Variants in KCNH1 observed in about 807,000 individuals in gnomAD.
KCNH1 encodes potassium voltage-gated channel subfamily H member 1, also known as voltage-gated delayed rectifier potassium channel KCNH1.
In KCNH1, 27 loss-of-function variants were observed where a neutral mutation model predicts 69.2. The ratio of observed to expected loss-of-function variants is 0.39; its 90% CI spans 0.29 to 0.54. KCNH1 has a LOEUF of 0.54. Ranked by LOEUF, KCNH1 falls within the 20% of genes least tolerant of loss-of-function variation. The pLI, the probability that KCNH1 is intolerant of heterozygous loss-of-function variation, is 0.68. For missense variants in KCNH1, 798 were observed against 1,261.6 expected (o/e 0.63, Z 5.57); for synonymous variants, 456 against 487.7 (o/e 0.93, Z 0.86).
chr1:210,827,436 T>G (rs986355434), intron 7 of KCNH1, among the ~76,000 whole-genome samples: 2 of 152,226 alleles, frequency 1.3e-5, no homozygotes, highest in Non-Finnish European at 2.9e-5. Flanking sequence ...AACGTTACCA[T>G]GTACTACTAC....
chr1:211,078,844 G>A (rs955428029), intron 5 of KCNH1, among the ~76,000 whole-genome samples: 2 of 148,840 alleles, frequency 1.3e-5, no homozygotes, highest in African/African-American at 5.0e-5. Context: ...CGTGAACCCG[G>A]GAGGCAGAGC....
At chr1:210,893,273 C>T (rs1457568251) in intron 7 of KCNH1, among the ~76,000 whole-genome samples, 1 of 152,062 alleles carries the variant, frequency 6.6e-6, no homozygotes, top group African/African-American at 2.4e-5. Context: ...AAGATTTTTG[C>T]TGGGTATAGA....
At chr1:210,973,652 T>C (rs933452571) in intron 6 of KCNH1, among the ~76,000 whole-genome samples, 2 of 152,204 alleles carry the variant, frequency 1.3e-5, no homozygotes, top group Non-Finnish European at 2.9e-5. Flanking sequence ...ATAGTATATA[T>C]AATTTTATAC....
intron 7 of KCNH1, among the ~76,000 whole-genome samples, chr1:210,822,905 C>T (rs1360846643): frequency 6.6e-6 from 1 of 152,174 alleles, no homozygotes; most frequent in Non-Finnish European, 1.5e-5. Flanking sequence ...ATGCCTTATT[C>T]CCCCTACCAG....
At chr1:211,119,992 A>G (rs565023382) in intron 1 of KCNH1, among the ~76,000 whole-genome samples, 2 of 152,326 alleles carry the variant, frequency 1.3e-5, no homozygotes, top group South Asian at 4.1e-4. Context: ...AAACAGATGA[A>G]CCAGTTTCAC....
chr1:210,898,621 A>C (rs543241649), intron 7 of KCNH1, among the ~76,000 whole-genome samples: 10 of 150,808 alleles, frequency 6.6e-5, no homozygotes, highest in Non-Finnish European at 1.2e-4. Context: ...TGTGTCAGGC[A>C]TGTGGCATCA....
intron 6 of KCNH1, among the ~76,000 whole-genome samples, chr1:210,973,697 G>A (rs1454804597): frequency 6.6e-6 from 1 of 152,034 alleles, no homozygotes; most frequent in Non-Finnish European, 1.5e-5. Flanking sequence ...TTTTAAAGCT[G>A]ATTTTCTTTG....
In KCNH1 at chr1:211,133,004, C is replaced by T. The variant is rs1177803462; in HGVS notation, c.79+863G>A. On this transcript the variant is annotated intron_variant, in intron 1 of 10. Transcript: ENST00000271751. The surrounding 1 kb of genome is among the most constrained non-coding windows in gnomAD (Gnocchi z 5.4). Reference sequence around the variant, plus strand: ...CCCCGCTCCTAGGACTCTCGCCTCTCAAGGCTTCATGCTACCGTCGATCTT... The same window carrying T: ...CCCCGCTCCTAGGACTCTCGCCTCTTAAGGCTTCATGCTACCGTCGATCTT... 1 of 152,244 alleles carries T rather than the reference C, an allele frequency of 6.6e-6. No individual in the cohort carries two copies. The highest frequency in any genetic ancestry group is 2.4e-5 in the African/African-American group (1 of 41,434). The allele number at this position is 152,244 out of a possible 1,614,324, so 9.4% of individuals were successfully genotyped here.
intron 1 of KCNH1, among the ~76,000 whole-genome samples, chr1:211,109,818 T>TA (rs548313012): frequency 7.9e-4 from 118 of 148,558 alleles, no homozygotes; most frequent in Admixed American, 4.7e-3. Context: ...AGAAGAACTT[T>TA]AAAAAAAAAA....
intron 5 of KCNH1, among the ~76,000 whole-genome samples, chr1:211,076,817 T>A (rs1318732455): frequency 6.6e-6 from 1 of 152,154 alleles, no homozygotes; most frequent in East Asian, 1.9e-4. Flanking sequence ...TTCTCTGAGC[T>A]AAAGAAGGAT....
intron 10 of KCNH1, among the ~76,000 whole-genome samples, chr1:210,708,785 A>T (rs1158877825): frequency 6.6e-6 from 1 of 152,174 alleles, no homozygotes; most frequent in African/African-American, 2.4e-5. Flanking sequence ...TCAGATTCCC[A>T]ATTCCAAAAT....
chr1:210,862,844 C>T (rs750184109), intron 7 of KCNH1, among the ~76,000 whole-genome samples: 3 of 152,124 alleles, frequency 2.0e-5, no homozygotes, highest in Non-Finnish European at 4.4e-5. Context: ...CTTAAGGAAG[C>T]CTTAACTCAC....
chr1:210,968,168 T>C (rs1174508698), intron 6 of KCNH1, among the ~76,000 whole-genome samples: 3 of 146,758 alleles, frequency 2.0e-5, no homozygotes, highest in African/African-American at 5.1e-5. Context: ...ATTTCCAATT[T>C]CATCCATGTC....
At chr1:211,018,642 G>C in intron 6 of KCNH1, 141 bp downstream of exon 6, 1 of 709,396 alleles carries the variant, frequency 1.4e-6, no homozygotes, top group Middle Eastern at 3.9e-4. Flanking sequence ...CAGCAGGCAA[G>C]GGTATCTATC....
chr1:210,877,952 C>G (rs1368004537), intron 7 of KCNH1, among the ~76,000 whole-genome samples: 1 of 152,076 alleles, frequency 6.6e-6, no homozygotes, highest in Non-Finnish European at 1.5e-5. Flanking sequence ...ACAAAGTCAC[C>G]TAACTCTCTT....
chr1:210,873,325 T>A (rs1686290826), intron 7 of KCNH1, among the ~76,000 whole-genome samples: 1 of 152,148 alleles, frequency 6.6e-6, no homozygotes, highest in Non-Finnish European at 1.5e-5. Flanking sequence ...TTCCCTCTTT[T>A]AAAAAATTTT....
At chr1:210,891,433 T>C (rs1406255429) in intron 7 of KCNH1, among the ~76,000 whole-genome samples, 3 of 151,950 alleles carry the variant, frequency 2.0e-5, no homozygotes, top group Non-Finnish European at 1.5e-5. Context: ...GAGAAATACC[T>C]TATGTAAATG....
At chr1:210,953,126 T>G (rs1280027132) in intron 6 of KCNH1, among the ~76,000 whole-genome samples, 2 of 152,254 alleles carry the variant, frequency 1.3e-5, no homozygotes, top group African/African-American at 4.8e-5. Flanking sequence ...CCTATACCTA[T>G]AGCTACCTTT....
At chr1:211,102,808 C>T (rs59200985) in intron 3 of KCNH1, among the ~76,000 whole-genome samples, 31,018 of 152,148 alleles carry the variant, frequency 0.2, 3,287 homozygotes, top group Non-Finnish European at 0.23. Flanking sequence ...AAGAACAGGA[C>T]TTCTTACAAA....
Sources: gnomAD v4.1 joint callset for allele counts (sites outside exome capture counted in the v4.1 genomes callset) on GRCh38, gnomAD v4.1.1 for gene constraint, Gnocchi (gnomAD v3.1) non-coding constraint, MANE v1.5 for transcripts, NCBI Gene and HGNC (gene_info 2026-07-23, HGNC 2026-07-21) for gene names.